Variants in FCHSD2 observed in about 807,000 individuals in gnomAD.
The protein encoded by FCHSD2 is F-BAR and double SH3 domains protein 2.
Under a neutral mutation model 108.1 loss-of-function variants are expected in FCHSD2, and 38 were observed. The ratio of observed to expected loss-of-function variants is 0.35; its 90% confidence interval spans 0.27 to 0.46. The LOEUF (loss-of-function observed/expected upper bound fraction) is 0.46. Ranked by LOEUF, FCHSD2 falls within the 20% of genes least tolerant of loss-of-function variation. The pLI is 1.00. For synonymous variants in FCHSD2, 279 were observed against 314.7 expected, an observed-to-expected ratio of 0.89 and a Z score of 1.20; for missense variants, 751 against 897.8, an observed-to-expected ratio of 0.84 and a Z score of 2.09.
chr11:73,021,733 C>T (rs984416176), intron 3 of FCHSD2, among the ~76,000 whole-genome samples: 1 of 152,030 alleles, frequency 6.6e-6, no homozygotes, highest in Non-Finnish European at 1.5e-5. Flanking sequence ...AAAGCTCATT[C>T]ATGACAGAAT....
At chr11:72,905,545 C>T (rs1214652364) in intron 9 of FCHSD2, among the ~76,000 whole-genome samples, 1 of 152,188 alleles carries the variant, frequency 6.6e-6, no homozygotes, top group Non-Finnish European at 1.5e-5. Context: ...CCCATCAACT[C>T]ATCATTTACG....
chr11:73,066,635 A>G (rs1425676294), intron 3 of FCHSD2, among the ~76,000 whole-genome samples: 1 of 152,170 alleles, frequency 6.6e-6, no homozygotes, highest in Non-Finnish European at 1.5e-5. Context: ...AACTTAAACA[A>G]ATTTACAAGA....
chr11:72,860,961 C>T (rs1356991122), intron 13 of FCHSD2, among the ~76,000 whole-genome samples: 1 of 151,964 alleles, frequency 6.6e-6, no homozygotes, highest in Non-Finnish European at 1.5e-5. Flanking sequence ...AAGAAGAAAA[C>T]TCTCAAATCA....
At chr11:73,131,461 G>A (rs1161067182) in intron 2 of FCHSD2, among the ~76,000 whole-genome samples, 3 of 151,876 alleles carry the variant, frequency 2.0e-5, no homozygotes, top group Non-Finnish European at 2.9e-5. Flanking sequence ...ACCAGAAGGC[G>A]GACCTTGCAG....
chr11:72,943,158 AT>A (rs1224958302), intron 8 of FCHSD2, among the ~76,000 whole-genome samples: 3 of 151,862 alleles, frequency 2.0e-5, no homozygotes, highest in African/African-American at 7.3e-5. Flanking sequence ...TGCCCAGCTA[AT>A]TTTTTGTATT....
At chr11:72,990,239 C>G (rs1393462227) in intron 5 of FCHSD2, among the ~76,000 whole-genome samples, 2 of 152,124 alleles carry the variant, frequency 1.3e-5, no homozygotes, top group East Asian at 3.8e-4. Flanking sequence ...CTTTCTAGAT[C>G]TGTGTTTCAA....
chr11:73,094,382 C>T (rs746010900), intron 2 of FCHSD2, among the ~76,000 whole-genome samples: 1 of 152,166 alleles, frequency 6.6e-6, no homozygotes, highest in Non-Finnish European at 1.5e-5. Flanking sequence ...ATTAAACTTA[C>T]ATTTATTTTG....
intron 13 of FCHSD2, among the ~76,000 whole-genome samples, chr11:72,866,254 GTTTT>G (rs1205827040): frequency 8.8e-6 from 1 of 114,114 alleles, no homozygotes; most frequent in Non-Finnish European, 2.0e-5. Context: ...ACTCTGTTCT[GTTTT>G]TTGTTTTGTT....
At chr11:72,932,418 T>C (rs1158685091) in intron 8 of FCHSD2, among the ~76,000 whole-genome samples, 3 of 152,216 alleles carry the variant, frequency 2.0e-5, no homozygotes, top group African/African-American at 7.2e-5. Context: ...AAAAAAATCA[T>C]TACAGACCAC....
rs554684669 is a variant in FCHSD2, at chr11:72,929,802, T to C, written c.706-7852A>G. Among the ~76,000 whole-genome samples the C allele has an allele frequency of 1.8e-4, 27 of 152,324 alleles. No homozygotes were observed. The East Asian group carries it at 5.2e-3, about 29-fold the overall frequency. On this transcript the variant is annotated intron_variant, in intron 8 of 19. Coordinates refer to ENST00000409418, the MANE Select transcript of FCHSD2 (RefSeq NM_014824.3). The stretch of plus-strand genomic sequence containing the variant: ...CCCCATCACAGTATTTAAAACACTA[T>C]ATTGAAACCATTTATATACATGTCA...
At chr11:73,011,265 G>C (rs1591480647) in intron 4 of FCHSD2, among the ~76,000 whole-genome samples, 1 of 152,164 alleles carries the variant, frequency 6.6e-6, no homozygotes, top group Non-Finnish European at 1.5e-5. Context: ...CTAGGCCACT[G>C]GCAGAATGCT....
chr11:72,864,844 T>A (rs1233644736), intron 13 of FCHSD2, among the ~76,000 whole-genome samples: 2 of 152,170 alleles, frequency 1.3e-5, no homozygotes, highest in African/African-American at 2.4e-5. Flanking sequence ...CACAGGCTGA[T>A]GGGGTTGCTG....
chr11:72,913,184 T>C (rs1422018866), intron 9 of FCHSD2, among the ~76,000 whole-genome samples: 2 of 152,074 alleles, frequency 1.3e-5, no homozygotes, highest in Admixed American at 1.3e-4. Context: ...CCTCCAACAT[T>C]GGGGATTATT....
intron 2 of FCHSD2, among the ~76,000 whole-genome samples, chr11:73,123,773 G>A (rs1322490531): frequency 1.3e-5 from 2 of 152,144 alleles, no homozygotes; most frequent in African/African-American, 4.8e-5. Flanking sequence ...AAACAGAGCT[G>A]CCTTTTCTCT....
intron 13 of FCHSD2, among the ~76,000 whole-genome samples, chr11:72,853,478 A>T (rs7129171): frequency 6.6e-6 from 1 of 152,126 alleles, no homozygotes; most frequent in African/African-American, 2.4e-5. Flanking sequence ...GTAGTGGCGC[A>T]ATCTTGACTC....
intron 12 of FCHSD2, among the ~76,000 whole-genome samples, chr11:72,870,059 T>C (rs921074985): frequency 6.6e-6 from 1 of 152,190 alleles, no homozygotes; most frequent in Admixed American, 6.5e-5. Context: ...ATCCATCATG[T>C]GCTTGCGTGC....
chr11:72,942,245 C>T (rs1856433955), intron 8 of FCHSD2, among the ~76,000 whole-genome samples: 2 of 152,202 alleles, frequency 1.3e-5, no homozygotes, highest in Non-Finnish European at 2.9e-5. Context: ...CTCCATCTCT[C>T]ACCATATGAC....
At chr11:73,059,327 T>C (rs1407481076) in intron 3 of FCHSD2, among the ~76,000 whole-genome samples, 2 of 152,132 alleles carry the variant, frequency 1.3e-5, no homozygotes, top group Admixed American at 6.6e-5. Flanking sequence ...CACTATAAAG[T>C]TGTTTCCTTT....
intron 9 of FCHSD2, among the ~76,000 whole-genome samples, chr11:72,910,893 A>G (rs542250198): frequency 6.6e-6 from 1 of 150,834 alleles, no homozygotes; most frequent in Non-Finnish European, 1.5e-5. Context: ...TCTCATTATT[A>G]ATCCTCTGTC....
Sources: allele counts gnomAD v4.1 joint callset (sites outside exome capture counted in the v4.1 genomes callset), GRCh38; gene constraint gnomAD v4.1.1; transcripts MANE v1.5; gene names NCBI Gene and HGNC (gene_info 2026-07-23, HGNC 2026-07-21).